Variants in EIF2B3 observed in about 807,000 individuals in gnomAD.
The protein encoded by EIF2B3 is translation initiation factor eIF2B subunit gamma.
A neutral mutation model predicts 54.1 loss-of-function variants in EIF2B3; 20 were observed. The ratio of observed to expected loss-of-function variants is 0.37; its 90% CI spans 0.26 to 0.54. EIF2B3 has a LOEUF of 0.54. Ranked by LOEUF, EIF2B3 falls within the 20% of genes least tolerant of loss-of-function variation. EIF2B3 has a pLI of 0.86. For missense variants in EIF2B3, 448 were observed against 547.8 expected, an observed-to-expected ratio of 0.82 and a Z score of 1.82; for synonymous variants, 153 against 188.1, an observed-to-expected ratio of 0.81 and a Z score of 1.52.
chr1:44,957,135 G>A (rs1222465343), intron 3 of EIF2B3, among the ~76,000 whole-genome samples: 1 of 152,158 alleles, frequency 6.6e-6, no homozygotes, highest in Non-Finnish European at 1.5e-5. Context: ...GTATGGTGAC[G>A]TGTGCCTGTA....
intron 5 of EIF2B3, among the ~76,000 whole-genome samples, chr1:44,920,042 T>C (rs549934039): frequency 4.0e-4 from 60 of 149,356 alleles, no homozygotes; most frequent in Admixed American, 9.3e-4. Flanking sequence ...TTCTTTCTTT[T>C]TTTTTTTTTT....
rs1171979383 is a variant in EIF2B3 at position 44,867,788 on chromosome 1, G to A, written c.1202+6890C>T. On this transcript the variant is annotated intron_variant, in intron 10 of 11. Transcript: ENST00000360403. ...CTTCCCAGTCATTAGCCTTGTGTGG[G>A]CTGTCTATAGCTTTACCTCAACTTT... Among the ~76,000 whole-genome samples the A allele has an allele frequency of 2.6e-5, 4 of 151,516 alleles. No individual in the cohort carries two copies. The South Asian group carries it at 6.3e-4, about 24-fold the overall frequency.
At chr1:44,935,264 A>G (rs1643935066) in intron 4 of EIF2B3, among the ~76,000 whole-genome samples, 1 of 152,198 alleles carries the variant, frequency 6.6e-6, no homozygotes, top group Non-Finnish European at 1.5e-5. Context: ...AATGTACAGG[A>G]AAAAAAGCCC....
chr1:44,957,533 G>C lies in EIF2B3; in HGVS notation c.295-15868C>G, dbSNP rs182465485. ...CCCAGTACTTTAGGAGGCAGAGGCA[G>C]GCAGATCACTTGAGCTCAGGAGTTC... On this transcript the variant is annotated intron_variant, in intron 3 of 11. Coordinates refer to ENST00000360403, the MANE Select transcript of EIF2B3 (RefSeq NM_020365.5). 8.4e-4 allele frequency among the ~76,000 whole-genome samples: 128 copies of C among 152,252 alleles called. 1 individual carries two copies. Among genetic ancestry groups the C allele is most frequent in the Non-Finnish European group, 4.1e-4 (28 of 68,024 alleles).
At chr1:44,886,985 TGA>T (rs1655609070) in intron 6 of EIF2B3, among the ~76,000 whole-genome samples, 2 of 152,194 alleles carry the variant, frequency 1.3e-5, no homozygotes, top group South Asian at 4.1e-4. Flanking sequence ...CCAGGAGCGC[TGA>T]GTGAACAAGC....
At chr1:44,935,266 A>C (rs1643935118) in intron 4 of EIF2B3, among the ~76,000 whole-genome samples, 1 of 152,238 alleles carries the variant, frequency 6.6e-6, no homozygotes, top group African/African-American at 2.4e-5. Flanking sequence ...TGTACAGGAA[A>C]AAAAGCCCCC....
At chr1:44,895,160 G>T (rs1429826587) in intron 6 of EIF2B3, among the ~76,000 whole-genome samples, 1 of 152,204 alleles carries the variant, frequency 6.6e-6, no homozygotes, top group Non-Finnish European at 1.5e-5. Context: ...TTGAGGTGGG[G>T]AAACAGTATG....
intron 3 of EIF2B3, among the ~76,000 whole-genome samples, chr1:44,976,280 A>T (rs1231723671): frequency 3.9e-5 from 6 of 152,238 alleles, no homozygotes; most frequent in Admixed American, 6.5e-5. Flanking sequence ...TCAATTAAAA[A>T]ATAGACAAAT....
rs371230685 is a variant in EIF2B3, at chr1:44,941,600, C to T, written c.360G>A (p.Leu120=). 3.1e-6 allele frequency: 5 copies of T among 1,614,000 alleles called. No individual in the cohort carries two copies. The African/African-American group carries it at 4.0e-5, about 13-fold the overall frequency. ...TDVALHEVVD[L]FRAYDASLAM... is the part of the protein sequence containing the mutation. ...CAAGTGATGCATCATAAGCTCTAAA[C>T]AGGTCCACAACCTCATGTAAGGCAA... Residue 120 remains leucine, a synonymous_variant, in exon 4 of 12, where the codon CTG becomes CTA. Transcript: ENST00000360403.
chr1:44,961,472 A>G (rs539409), intron 3 of EIF2B3, among the ~76,000 whole-genome samples: 38,368 of 151,856 alleles, frequency 0.25, 6,098 homozygotes, highest in African/African-American at 0.46. Flanking sequence ...GAGCCCAGAA[A>G]TTTGAGACCA....
chr1:44,897,528 G>C, intron 5 of EIF2B3, 84 bp from the exon 6 acceptor site: 2 of 1,123,514 alleles, frequency 1.8e-6, no homozygotes, highest in South Asian at 1.3e-5. Flanking sequence ...CAGGTAGTAG[G>C]CACTGGTAAG....
intron 3 of EIF2B3, among the ~76,000 whole-genome samples, chr1:44,970,765 C>T (rs1644391653): frequency 6.6e-6 from 1 of 152,164 alleles, no homozygotes; most frequent in Admixed American, 6.5e-5. Context: ...TGGCTTAGCT[C>T]AGTTCCTAAC....
At chr1:44,886,455 C>T (rs182827629) in intron 6 of EIF2B3, among the ~76,000 whole-genome samples, 1 of 152,304 alleles carries the variant, frequency 6.6e-6, no homozygotes, top group East Asian at 1.9e-4. Flanking sequence ...GAAACAAATA[C>T]ACTAAAATGT....
intron 3 of EIF2B3, among the ~76,000 whole-genome samples, chr1:44,976,752 A>G (rs1014481578): frequency 3.9e-5 from 6 of 152,246 alleles, no homozygotes; most frequent in African/African-American, 1.4e-4. Flanking sequence ...TTTCAATAAC[A>G]TGAAAGAATC....
At chr1:44,979,767 C>T (rs554398135) in intron 2 of EIF2B3, among the ~76,000 whole-genome samples, 77 of 152,158 alleles carry the variant, frequency 5.1e-4, no homozygotes, top group African/African-American at 1.8e-3. Context: ...AGTTCAAGAC[C>T]AGCCTGGACA....
chr1:44,975,975 G>A (rs1357792195), intron 3 of EIF2B3, among the ~76,000 whole-genome samples: 1 of 152,178 alleles, frequency 6.6e-6, no homozygotes, highest in Non-Finnish European at 1.5e-5. Context: ...CAGCCTGGGT[G>A]AGAGAGCAAG....
chr1:44,925,946 T>C (rs1643842763), intron 5 of EIF2B3, among the ~76,000 whole-genome samples: 1 of 143,312 alleles, frequency 7.0e-6, no homozygotes, highest in Non-Finnish European at 1.5e-5. Context: ...CCACTTAGAA[T>C]GGGCCGCACG....
chr1:44,875,202 A>G (rs563787141), intron 9 of EIF2B3, among the ~76,000 whole-genome samples: 2 of 152,272 alleles, frequency 1.3e-5, no homozygotes, highest in South Asian at 4.2e-4. Context: ...AAAAAAAAAG[A>G]AAAAGAAAAT....
At chr1:44,918,780 C>A (rs1210796029) in intron 5 of EIF2B3, among the ~76,000 whole-genome samples, 1 of 152,176 alleles carries the variant, frequency 6.6e-6, no homozygotes, top group Admixed American at 6.5e-5. Context: ...AACTTATTTT[C>A]ATCATCAACC....
Sources: allele counts gnomAD v4.1 joint callset (sites outside exome capture counted in the v4.1 genomes callset), GRCh38; gene constraint gnomAD v4.1.1; transcripts MANE v1.5; gene names NCBI Gene and HGNC (gene_info 2026-07-23, HGNC 2026-07-21).